The following COMMD10 variants were observed in gnomAD, a reference collection of about 807,000 sequenced individuals.
COMMD10 encodes the protein COMM domain-containing protein 10.
A neutral mutation model predicts 28.9 loss-of-function variants in COMMD10; 33 were observed. The observed-to-expected ratio is 1.14, with a 90% CI of 0.87 to 1.53. The LOEUF is 1.53. Among genes scored for constraint, COMMD10 ranks in the 40% most tolerant of loss-of-function variants. The pLI is 0.00. For missense variants in COMMD10, 310 were observed against 233.4 expected (o/e 1.33, Z -2.14); for synonymous variants, 110 against 81.7 (o/e 1.35, Z -1.87).
intron 5 of COMMD10, among the ~76,000 whole-genome samples, chr5:116,151,191 G>C (rs1752515212): frequency 6.6e-6 from 1 of 151,662 alleles, no homozygotes; most frequent in African/African-American, 2.4e-5. Context: ...AACCAGCCTT[G>C]CATCCCAGGG....
At chr5:116,163,780 TTC>T (rs1753001323) in intron 5 of COMMD10, among the ~76,000 whole-genome samples, 1 of 152,208 alleles carries the variant, frequency 6.6e-6, no homozygotes. Flanking sequence ...TTAGAATACT[TTC>T]TATGCTTTTG....
intron 5 of COMMD10, chr5:116,218,057 G>T: frequency 8.5e-7 from 1 of 1,174,900 alleles, no homozygotes; most frequent in Non-Finnish European, 1.3e-6. Flanking sequence ...AGCTTTCTGT[G>T]CCTGATCTGT....
At chr5:116,161,907 T>C (rs1290751237) in intron 5 of COMMD10, among the ~76,000 whole-genome samples, 1 of 152,202 alleles carries the variant, frequency 6.6e-6, no homozygotes, top group Admixed American at 6.6e-5. Context: ...TTCTGTGGGC[T>C]TTTAAATCAT....
intron 5 of COMMD10, among the ~76,000 whole-genome samples, chr5:116,214,705 C>T (rs181899987): frequency 1.5e-3 from 235 of 152,062 alleles, no homozygotes; most frequent in African/African-American, 5.4e-3. Flanking sequence ...CATTTATCTG[C>T]GGTTAAATTA....
chr5:116,286,775 A>G (rs150132709), intron 5 of COMMD10, among the ~76,000 whole-genome samples: 11 of 151,924 alleles, frequency 7.2e-5, no homozygotes, highest in East Asian at 3.9e-4. Context: ...TTGTGGCCCA[A>G]TGCATGGTCT....
At chr5:116,212,483 A>C (rs1748991024) in intron 5 of COMMD10, among the ~76,000 whole-genome samples, 1 of 10,584 alleles carries the variant, frequency 9.4e-5, no homozygotes, top group South Asian at 5.3e-3. Flanking sequence ...CAGTGACAGA[A>C]GGTACTGAAA....
rs749513255 is a variant in COMMD10, at chr5:116,273,816, TTAAAA to T, written c.511-17698_511-17694del. ...TGACTTCATATGAATAAATGATTCATTAAAATATAATACTTGGAACTAAAGTCATC... is the reference window on the plus strand; with the variant it reads ...TGACTTCATATGAATAAATGATTCATTATAATACTTGGAACTAAAGTCATC... On this transcript the variant is annotated intron_variant, in intron 5 of 6. Transcript: ENST00000274458. Among the ~76,000 whole-genome samples the T allele has an allele frequency of 7.3e-5, 11 of 151,722 alleles. 1 individual carries two copies. Among genetic ancestry groups the T allele is most frequent in the Non-Finnish European group, 1.0e-4 (7 of 68,010 alleles).
chr5:116,200,082 G>T (rs141663252), intron 5 of COMMD10, among the ~76,000 whole-genome samples: 1,794 of 150,838 alleles, frequency 0.012, 35 homozygotes, highest in African/African-American at 0.04. Flanking sequence ...GAAGAATGGG[G>T]TATCCATCCC....
rs762755788 is a variant in COMMD10, at chr5:116,091,070, G to A, written c.133-9G>A. The A allele has an allele frequency of 3.9e-6, 6 of 1,552,002 alleles. No homozygotes were observed. Among genetic ancestry groups the A allele is most frequent in the Non-Finnish European group, 5.3e-6 (6 of 1,131,374 alleles). On this transcript the variant is annotated splice_polypyrimidine_tract_variant and intron_variant, in intron 2 of 6. Transcript: ENST00000274458. ...GTGCTAATATAATAGATTGCTATTT[G>A]TATTATAGGCTGAGAGCAGTTTCAG... is the stretch of plus-strand genomic sequence containing the variant.
At chr5:116,163,627 C>T (rs1456683060) in intron 5 of COMMD10, among the ~76,000 whole-genome samples, 2 of 151,798 alleles carry the variant, frequency 1.3e-5, no homozygotes, top group Non-Finnish European at 2.9e-5. Flanking sequence ...ACCAAAAACT[C>T]AACACAAGGA....
At chr5:116,288,393 C>G (rs1751277018) in intron 5 of COMMD10, among the ~76,000 whole-genome samples, 1 of 151,830 alleles carries the variant, frequency 6.6e-6, no homozygotes, top group African/African-American at 2.4e-5. Context: ...TGACTTTACA[C>G]AGTTTGACTA....
chr5:116,115,550 C>G (rs1206369782), intron 4 of COMMD10, among the ~76,000 whole-genome samples: 1 of 152,184 alleles, frequency 6.6e-6, no homozygotes, highest in African/African-American at 2.4e-5. Flanking sequence ...TCTGTGTTGA[C>G]TGTTAGCAGT....
intron 5 of COMMD10, among the ~76,000 whole-genome samples, chr5:116,177,065 C>T (rs139639725): frequency 6.6e-6 from 1 of 152,190 alleles, no homozygotes; most frequent in Admixed American, 6.6e-5. Context: ...CAAGCTGAGG[C>T]TCCTGGATGG....
intron 5 of COMMD10, among the ~76,000 whole-genome samples, chr5:116,215,466 A>T (rs1438008528): frequency 1.3e-5 from 2 of 151,616 alleles, no homozygotes; most frequent in African/African-American, 4.8e-5. Flanking sequence ...AGGCTGGTGG[A>T]TCATGAGGCC....
chr5:116,244,198 A>T (rs1248062868), intron 5 of COMMD10, among the ~76,000 whole-genome samples: 3 of 152,072 alleles, frequency 2.0e-5, no homozygotes, highest in Non-Finnish European at 4.4e-5. Context: ...AAAAGAAGAG[A>T]CTGCTTTCTT....
intron 5 of COMMD10, among the ~76,000 whole-genome samples, chr5:116,210,612 T>G (rs1404481207): frequency 6.6e-6 from 1 of 152,140 alleles, no homozygotes; most frequent in Non-Finnish European, 1.5e-5. Context: ...ATGAATAGTC[T>G]GTGGTGATCT....
intron 5 of COMMD10, among the ~76,000 whole-genome samples, chr5:116,211,673 A>G (rs560848481): frequency 2.0e-4 from 31 of 152,300 alleles, no homozygotes; most frequent in African/African-American, 5.8e-4. Flanking sequence ...TGCATTTTCA[A>G]TTGCTTCTCA....
At chr5:116,210,865 C>T (rs1314762081) in intron 5 of COMMD10, among the ~76,000 whole-genome samples, 1 of 151,982 alleles carries the variant, frequency 6.6e-6, no homozygotes, top group Admixed American at 6.6e-5. Flanking sequence ...AAAATAGAAG[C>T]AAGCAAGTAA....
intron 5 of COMMD10, among the ~76,000 whole-genome samples, chr5:116,176,431 C>T (rs973714377): frequency 1.3e-5 from 2 of 152,164 alleles, no homozygotes; most frequent in Non-Finnish European, 2.9e-5. Context: ...ATTCACTGTT[C>T]TGCTTTAGGC....
Sources: gnomAD v4.1 joint callset for allele counts (sites outside exome capture counted in the v4.1 genomes callset) on GRCh38, gnomAD v4.1.1 for gene constraint, MANE v1.5 for transcripts, NCBI Gene and HGNC (gene_info 2026-07-23, HGNC 2026-07-21) for gene names.